The following KAT6B variants were observed in gnomAD, a reference collection of about 807,000 sequenced individuals.
The protein encoded by KAT6B is lysine acetyltransferase 6B.
In KAT6B, 10 loss-of-function variants were observed where a neutral mutation model predicts 187.5. The observed-to-expected ratio is 0.05, with a 90% CI of 0.03 to 0.09. KAT6B has a LOEUF of 0.09. Among genes scored for constraint, KAT6B ranks in the 10% least tolerant of loss-of-function variants. KAT6B has a pLI of 1.00. For missense variants in KAT6B, 1,952 were observed against 2,558.9 expected, an observed-to-expected ratio of 0.76 and a Z score of 5.12; for synonymous variants, 861 against 926.8, an observed-to-expected ratio of 0.93 and a Z score of 1.29.
At chr10:74,840,401 T>C (rs1389625196) in intron 2 of KAT6B, among the ~76,000 whole-genome samples, 3 of 152,206 alleles carry the variant, frequency 2.0e-5, no homozygotes, top group African/African-American at 7.2e-5. Flanking sequence ...TTTGGACATT[T>C]GAAGGCCTCT....
intron 1 of KAT6B, among the ~76,000 whole-genome samples, chr10:74,829,235 G>C (rs1379170603): frequency 6.6e-6 from 1 of 152,150 alleles, no homozygotes; most frequent in Non-Finnish European, 1.5e-5. Flanking sequence ...CAGATGTGAG[G>C]CATAGCATGA....
intron 3 of KAT6B, among the ~76,000 whole-genome samples, chr10:74,847,920 C>CTTTT (rs528371220): frequency 1.5e-5 from 2 of 131,824 alleles, no homozygotes; most frequent in Non-Finnish European, 3.3e-5. Context: ...TTTTCTTTTT[C>CTTTT]TTTTTTTTTT....
intron 3 of KAT6B, among the ~76,000 whole-genome samples, chr10:74,904,414 C>T (rs1222797536): frequency 2.0e-5 from 3 of 152,190 alleles, no homozygotes; most frequent in African/African-American, 7.2e-5. Context: ...GGCTGCCCTG[C>T]CACATGGCCC....
intron 12 of KAT6B, among the ~76,000 whole-genome samples, chr10:74,988,199 G>A (rs889976794): frequency 6.6e-6 from 1 of 152,134 alleles, no homozygotes; most frequent in Non-Finnish European, 1.5e-5. Context: ...GAGCATCCAC[G>A]ACCTCAAAAG....
chr10:75,000,095 C>T (rs1843722555), intron 13 of KAT6B, among the ~76,000 whole-genome samples: 1 of 151,624 alleles, frequency 6.6e-6, no homozygotes, highest in Non-Finnish European at 1.5e-5. Context: ...TCACTTGAAC[C>T]TGGGAAGCAG....
chr10:74,842,552 G>A (rs1328219081), intron 2 of KAT6B, 48 bp from the exon 3 acceptor site: 4 of 570,912 alleles, frequency 7.0e-6, no homozygotes, highest in South Asian at 2.4e-5. Flanking sequence ...TAGTTTATTT[G>A]TGTAAGCTTC....
chr10:74,866,139 ATTAC>A (rs1843540439), intron 3 of KAT6B, among the ~76,000 whole-genome samples: 1 of 152,068 alleles, frequency 6.6e-6, no homozygotes, highest in African/African-American at 2.4e-5. Context: ...ATATTAAAAA[ATTAC>A]TTATTTGGGG....
chr10:74,882,982 A>G (rs1413623684), intron 3 of KAT6B, among the ~76,000 whole-genome samples: 1 of 152,228 alleles, frequency 6.6e-6, no homozygotes, highest in Non-Finnish European at 1.5e-5. Flanking sequence ...TCAGTGAATA[A>G]TAGTATATAT....
intron 3 of KAT6B, among the ~76,000 whole-genome samples, chr10:74,944,654 A>G (rs1849969769): frequency 6.6e-6 from 1 of 151,934 alleles, no homozygotes; most frequent in African/African-American, 2.4e-5. Flanking sequence ...CTAAATATAC[A>G]AAAAATTAGC....
Position 75,029,456 on chromosome 10 carries a change from C to G in KAT6B, c.4632C>G (p.Ala1544=). 4 of 1,614,104 alleles carry G rather than the reference C, an allele frequency of 2.5e-6. No individual in the cohort carries two copies. Among genetic ancestry groups the G allele is most frequent in the Non-Finnish European group, 3.4e-6 (4 of 1,180,022 alleles). ...AAATCGACTCTGAGACTGTCCAGGCCGTTCAGTCTTTGACCCAGGAGAGCA... is the reference window on the plus strand; with the variant it reads ...AAATCGACTCTGAGACTGTCCAGGCGGTTCAGTCTTTGACCCAGGAGAGCA... ...TMEIDSETVQ[A]VQSLTQESSE... is the part of the protein sequence containing the mutation. Residue 1544 remains alanine (A), a synonymous_variant, in exon 18 of 18, where the codon GCC becomes GCG. Transcript: ENST00000287239. This position sits in a 1 kb window ranked among gnomAD's most constrained non-coding sequence, Gnocchi z 6.2.
chr10:74,879,189 A>G (rs1306967566), intron 3 of KAT6B, among the ~76,000 whole-genome samples: 4 of 152,160 alleles, frequency 2.6e-5, no homozygotes, highest in Non-Finnish European at 4.4e-5. Flanking sequence ...CTGCTTTGTT[A>G]GGGCAGCATT....
Position 74,880,089 on chromosome 10 carries a change from C to T in KAT6B, c.621+36611C>T, listed in dbSNP as rs546287877. Among the ~76,000 whole-genome samples, 15 of 152,168 alleles carry T rather than the reference C, an allele frequency of 9.9e-5. 1 individual carries two copies. In the East Asian group the frequency reaches 2.5e-3, roughly 25 times the overall value. ...ATTAAAAAAAAAGAGACATAATTTG[C>T]GTTATCGTAAAATTTACTTTTTTAA... On this transcript the variant is annotated intron_variant, in intron 3 of 17. Coordinates refer to ENST00000287239, the MANE Select transcript of KAT6B (RefSeq NM_012330.4).
chr10:74,990,203 A>C (rs1843049795), intron 13 of KAT6B, among the ~76,000 whole-genome samples: 1 of 107,848 alleles, frequency 9.3e-6, no homozygotes, highest in Non-Finnish European at 1.7e-5. Flanking sequence ...TCTCAAAAAA[A>C]AAAAAAAAAA....
At chr10:74,854,379 A>T (rs1842683159) in intron 3 of KAT6B, among the ~76,000 whole-genome samples, 1 of 152,182 alleles carries the variant, frequency 6.6e-6, no homozygotes, top group South Asian at 2.1e-4. Context: ...TTACCAGAGA[A>T]GTCTCCAACA....
intron 3 of KAT6B, among the ~76,000 whole-genome samples, chr10:74,877,960 A>G (rs1844545538): frequency 6.6e-6 from 1 of 152,186 alleles, no homozygotes; most frequent in African/African-American, 2.4e-5. Context: ...GGTTGTATAA[A>G]AAGAAACATT....
At chr10:74,831,217 TG>T (rs974572179) in intron 1 of KAT6B, among the ~76,000 whole-genome samples, 1 of 152,234 alleles carries the variant, frequency 6.6e-6, no homozygotes, top group Non-Finnish European at 1.5e-5. Context: ...CTTTATTTAC[TG>T]TGAATACAAG....
At chr10:74,895,570 T>C (rs1054913956) in intron 3 of KAT6B, among the ~76,000 whole-genome samples, 1 of 152,066 alleles carries the variant, frequency 6.6e-6, no homozygotes, top group African/African-American at 2.4e-5. Flanking sequence ...GGCAGAGTCT[T>C]TCTGGCCCAG....
In KAT6B at chr10:75,030,482, T is replaced by C. The variant is rs751677270; in HGVS notation, c.5658T>C (p.Pro1886=). The change falls in exon 18 of 18, where the codon CCT becomes CCC. Residue 1886 remains proline, a synonymous_variant. Transcript: ENST00000287239. This position sits in a 1 kb window ranked among gnomAD's most constrained non-coding sequence, Gnocchi z 4.8. ...ATMTPPPNLT[P]PPMNLPPPLL... is the part of the protein sequence containing the mutation. Reference sequence around the variant, plus strand: ...TGACCCCACCCCCCAACCTGACTCCTCCTCCAATGAATCTGCCGCCGCCTC... The same window carrying C: ...TGACCCCACCCCCCAACCTGACTCCCCCTCCAATGAATCTGCCGCCGCCTC... The C allele has an allele frequency of 6.2e-7, 1 of 1,612,256 alleles. No individual in the cohort carries two copies. The highest frequency in any genetic ancestry group is 2.2e-5 in the East Asian group (1 of 44,818).
At chr10:74,908,929 C>T (rs759302270) in intron 3 of KAT6B, among the ~76,000 whole-genome samples, 6 of 152,144 alleles carry the variant, frequency 3.9e-5, no homozygotes, top group East Asian at 3.8e-4. Context: ...TGAATTGTTC[C>T]GCAGCTTCTC....
Sources: gnomAD v4.1 joint callset for allele counts (sites outside exome capture counted in the v4.1 genomes callset) on GRCh38, gnomAD v4.1.1 for gene constraint, Gnocchi (gnomAD v3.1) non-coding constraint, MANE v1.5 for transcripts, NCBI Gene and HGNC (gene_info 2026-07-23, HGNC 2026-07-21) for gene names.